Variants in PPP1R15B observed in about 807,000 individuals in gnomAD.
PPP1R15B encodes protein phosphatase 1 regulatory subunit 15B, also known as protein phosphatase 1, regulatory (inhibitor) subunit 15B.
PPP1R15B carries 31 observed loss-of-function variants against 53.9 expected under a neutral mutation model. The observed-to-expected ratio is 0.58, with a 90% CI of 0.43 to 0.78. The LOEUF is 0.78. PPP1R15B is among the 30% of genes least tolerant of loss of function. The probability of loss-of-function intolerance (pLI) is 0.00; values close to 1 mark genes in which losing one functional copy is unlikely to be tolerated. For missense variants in PPP1R15B, 928 were observed against 849.6 expected, an observed-to-expected ratio of 1.09 and a Z score of -1.15; for synonymous variants, 345 against 329.1, an observed-to-expected ratio of 1.05 and a Z score of -0.52.
rs781662271 is a variant in PPP1R15B at position 204,411,108 on chromosome 1, C to T, written c.304G>A (p.Val102Ile). 8 of 1,614,096 alleles carry T rather than the reference C, an allele frequency of 5.0e-6. No individual in the cohort carries two copies. In the South Asian group the frequency reaches 6.6e-5, roughly 13 times the overall value. ...FPTRWLDFAGVYSALRALKGR... is the reference protein window; with the variant it reads ...FPTRWLDFAGIYSALRALKGR... ...TTCAGGGCTCTCAGGGCGCTGTAGA[C>T]TCCAGCAAAATCTAGCCATCTGGTC... The change falls in exon 1 of 2, where the codon GTC (valine) becomes ATC (isoleucine). Residue 102 changes from valine to isoleucine, a missense_variant. Transcript: ENST00000367188.
At chr1:204,400,304 C>T (rs1267556973), downstream of PPP1R15B, among the ~76,000 whole-genome samples, 1 of 151,010 alleles carries the variant, frequency 6.6e-6, no homozygotes, top group Non-Finnish European at 1.5e-5. Context: ...TTTCTTTGAC[C>T]CTGAATATCC....
In PPP1R15B at chr1:204,403,843, T is replaced by G. The variant is rs958928779; in HGVS notation, c.*2249A>C. 3 of 985,750 alleles carry G rather than the reference T, an allele frequency of 3.0e-6. No homozygotes were observed. In the African/African-American group the frequency reaches 5.2e-5, roughly 17 times the overall value. 61.1% of individuals were successfully genotyped at this position (985,750 alleles called of 1,614,324 possible). Reference sequence around the variant, plus strand: ...TTTAAAATAGTCCTTTCTGTCCTTCTTATCACCTTCTGATCACTTCTTCCA... The same window carrying G: ...TTTAAAATAGTCCTTTCTGTCCTTCGTATCACCTTCTGATCACTTCTTCCA... On this transcript the variant is annotated 3_prime_UTR_variant, in exon 2 of 2. Transcript: ENST00000367188.
rs1251772377 is a variant in PPP1R15B at position 204,409,562 on chromosome 1, C to T, written c.1850G>A (p.Ser617Asn). ...CKVQLLGSQESECPDSVQRDV... is the reference protein window; with the variant it reads ...CKVQLLGSQENECPDSVQRDV... ...ACGCTGTACCGAGTCTGGACATTCACTTTCTTGGCTCCCCAACAGCTGCAC... is the reference window on the plus strand; with the variant it reads ...ACGCTGTACCGAGTCTGGACATTCATTTTCTTGGCTCCCCAACAGCTGCAC... Residue 617 changes from serine to asparagine, a missense_variant, in exon 1 of 2, where the codon AGT becomes AAT. Ser to Asn is a conservative substitution (Grantham distance 46). Coordinates refer to ENST00000367188, the MANE Select transcript of PPP1R15B (RefSeq NM_032833.5). 1 of 1,614,078 alleles carries T rather than the reference C, an allele frequency of 6.2e-7. No individual in the cohort carries two copies. The highest frequency in any genetic ancestry group is 1.3e-5 in the African/African-American group (1 of 74,914).
At chr1:204,399,586 C>T (rs1674143800), downstream of PPP1R15B, among the ~76,000 whole-genome samples, 1 of 150,680 alleles carries the variant, frequency 6.6e-6, no homozygotes, top group African/African-American at 2.4e-5. Flanking sequence ...TGTTATTCAA[C>T]AAATATTTAT....
At chr1:204,397,566 CA>C (rs959252047), downstream of PPP1R15B, among the ~76,000 whole-genome samples, 36 of 151,498 alleles carry the variant, frequency 2.4e-4, no homozygotes, top group African/African-American at 7.0e-4. Context: ...GTTCTTACCA[CA>C]AAAAAAATGC....
chr1:204,410,067 C>T lies in PPP1R15B; in HGVS notation c.1345G>A (p.Asp449Asn), dbSNP rs1256736169. The T allele has an allele frequency of 6.2e-7, 1 of 1,614,098 alleles. No homozygotes were observed. Among genetic ancestry groups the T allele is most frequent in the Non-Finnish European group, 8.5e-7 (1 of 1,180,054 alleles). Residue 449 changes from aspartate (D) to asparagine (N), a missense_variant, in exon 1 of 2, where the codon GAT (aspartate) becomes AAT (asparagine). Asp to Asn is a conservative substitution (Grantham distance 23). Coordinates refer to ENST00000367188, the MANE Select transcript of PPP1R15B (RefSeq NM_032833.5). ...TSSDPEGEDW[D>N]EEAEDDGFDS... Reference sequence around the variant, plus strand: ...AAACCATCATCCTCAGCTTCCTCATCCCAATCCTCACCTTCTGGATCAGAA... The same window carrying T: ...AAACCATCATCCTCAGCTTCCTCATTCCAATCCTCACCTTCTGGATCAGAA...
In PPP1R15B at chr1:204,411,716, G is replaced by A. The variant is rs1674384470; in HGVS notation, c.-305C>T. 1 of 464,990 alleles carries A rather than the reference G, an allele frequency of 2.2e-6. No individual in the cohort carries two copies. The highest frequency in any genetic ancestry group is 3.9e-6 in the Non-Finnish European group (1 of 259,280). 28.8% of individuals were successfully genotyped at this position (464,990 alleles called of 1,614,324 possible). Reference sequence around the variant, plus strand: ...GGATAGGAGTCCCCCCACGGCCTCGGCGATGGTTTTCCGACTGACAGAGGG... The same window carrying A: ...GGATAGGAGTCCCCCCACGGCCTCGACGATGGTTTTCCGACTGACAGAGGG... On this transcript the variant is annotated 5_prime_UTR_variant, in exon 1 of 2. Coordinates refer to ENST00000367188, the MANE Select transcript of PPP1R15B (RefSeq NM_032833.5).
chr1:204,411,086 A>G lies in PPP1R15B; in HGVS notation c.326T>C (p.Leu109Pro). Reference protein sequence around the residue: ...FAGVYSALRALKGREKPAAPT... With the variant: ...FAGVYSALRAPKGREKPAAPT... ...GGCGGCTGGTTTCTCCCGTCCCTTC[A>G]GGGCTCTCAGGGCGCTGTAGACTCC... The change falls in exon 1 of 2, where the codon CTG becomes CCG. Residue 109 changes from leucine (L) to proline (P), a missense_variant. Transcript: ENST00000367188. The G allele has an allele frequency of 6.2e-7, 1 of 1,614,126 alleles. No homozygotes were observed. The highest frequency in any genetic ancestry group is 8.5e-7 in the Non-Finnish European group (1 of 1,180,028).
downstream of PPP1R15B, among the ~76,000 whole-genome samples, chr1:204,396,057 A>G (rs1217950707): frequency 6.6e-6 from 1 of 152,170 alleles, no homozygotes; most frequent in Non-Finnish European, 1.5e-5. Context: ...AAAGGAATGG[A>G]CTACTGATAC....
rs190605670 is a variant in PPP1R15B at position 204,403,657 on chromosome 1, G to A, written c.*2435C>T. The A allele has an allele frequency of 5.9e-5, 58 of 984,190 alleles. No individual in the cohort carries two copies. The African/African-American group carries it at 9.6e-4, about 16-fold the overall frequency. 61.0% of individuals were successfully genotyped at this position (984,190 alleles called of 1,614,324 possible). A position where few individuals can be genotyped will look rare whatever the true frequency, so the allele number is the denominator to read the frequency against. On this transcript the variant is annotated 3_prime_UTR_variant, in exon 2 of 2. Transcript: ENST00000367188. Reference sequence around the variant, plus strand: ...CCTGTCTGTACAAAGCCTTTTACATGCTACATTGACACTTAAAGCACCATT... The same window carrying A: ...CCTGTCTGTACAAAGCCTTTTACATACTACATTGACACTTAAAGCACCATT...
rs754801130 is a variant in PPP1R15B, at chr1:204,410,798, G to A, written c.614C>T (p.Ser205Phe). 4.3e-6 allele frequency: 7 copies of A among 1,614,216 alleles called. No homozygotes were observed. Among genetic ancestry groups the A allele is most frequent in the Non-Finnish European group, 5.9e-6 (7 of 1,180,044 alleles). Reference sequence around the variant, plus strand: ...TATGCGTTGAATGTTTAGAGGCCCAGAGGGCGAAGAGCCAAGTTCCCGGTT... The same window carrying A: ...TATGCGTTGAATGTTTAGAGGCCCAAAGGGCGAAGAGCCAAGTTCCCGGTT... ...YSNRELGSSP[S>F]GPLNIQRIDN... is the part of the protein sequence containing the mutation. The change falls in exon 1 of 2, where the codon TCT (serine) becomes TTT (phenylalanine). Residue 205 changes from serine (S) to phenylalanine (F), a missense_variant. Transcript: ENST00000367188.
chr1:204,404,772 G>T lies in PPP1R15B; in HGVS notation c.*1320C>A. 1.0e-6 allele frequency: 1 copy of T among 985,772 alleles called. No individual in the cohort carries two copies. Among genetic ancestry groups the T allele is most frequent in the Non-Finnish European group, 1.2e-6 (1 of 829,918 alleles). The allele number at this position is 985,772 out of a possible 1,614,324, so 61.1% of individuals were successfully genotyped here. ...CCATTACCTGTGACAGGAAGCACACGGAATGAAAGCAGACCACGGAAGGGT... is the reference window on the plus strand; with the variant it reads ...CCATTACCTGTGACAGGAAGCACACTGAATGAAAGCAGACCACGGAAGGGT... On this transcript the variant is annotated 3_prime_UTR_variant, in exon 2 of 2. Transcript: ENST00000367188.
downstream of PPP1R15B, among the ~76,000 whole-genome samples, chr1:204,401,836 G>A (rs934774353): frequency 3.9e-5 from 6 of 152,116 alleles, no homozygotes; most frequent in African/African-American, 7.2e-5. Context: ...TGGGAGAATC[G>A]CTTGAGCCTG....
chr1:204,403,250 A>C, downstream of PPP1R15B: 1 of 248,806 alleles, frequency 4.0e-6, no homozygotes, highest in Non-Finnish European at 6.4e-6. Flanking sequence ...AGGGCCTCTC[A>C]TAATACTGCA....
At position 204,410,115 on chromosome 1, in the gene PPP1R15B, C is replaced by T. The variant is rs542547175; in HGVS notation, c.1297G>A (p.Ala433Thr). The T allele has an allele frequency of 6.2e-7, 1 of 1,614,108 alleles. No homozygotes were observed. Among genetic ancestry groups the T allele is most frequent in the Admixed American group, 1.7e-5 (1 of 60,024 alleles). ...GAACTTGTTTCCAGGTCACTGGATGCACCTCCCAAAATATAATCTATCAGT... is the reference window on the plus strand; with the variant it reads ...GAACTTGTTTCCAGGTCACTGGATGTACCTCCCAAAATATAATCTATCAGT... ...NKLIDYILGG[A>T]SSDLETSSDP... The change falls in exon 1 of 2, where the codon GCA (alanine) becomes ACA (threonine). Residue 433 changes from alanine to threonine, a missense_variant. Transcript: ENST00000367188.
rs767157832 is a variant in PPP1R15B at position 204,410,869 on chromosome 1, C to G, written c.543G>C (p.Trp181Cys). 10 of 1,614,086 alleles carry G rather than the reference C, an allele frequency of 6.2e-6. No homozygotes were observed. The highest frequency in any genetic ancestry group is 8.5e-6 in the Non-Finnish European group (10 of 1,180,034). ...AQAFLLEQQL[W>C]GVELLPSSLQ... The stretch of plus-strand genomic sequence containing the variant: ...GGCTACTGGGCAACAGCTCCACTCC[C>G]CACAGCTGCTGCTCTAAGAGAAAAG... The change falls in exon 1 of 2, where the codon TGG (tryptophan) becomes TGC (cysteine). Residue 181 changes from tryptophan (W) to cysteine (C), a missense_variant. Transcript: ENST00000367188.
In PPP1R15B at chr1:204,405,273, T is replaced by C. The variant is rs373233773; in HGVS notation, c.*819A>G. 3 of 978,396 alleles carry C rather than the reference T, an allele frequency of 3.1e-6. No individual in the cohort carries two copies. The highest frequency in any genetic ancestry group is 3.6e-6 in the Non-Finnish European group (3 of 823,188). The allele number at this position is 978,396 out of a possible 1,614,324, so 60.6% of individuals were successfully genotyped here. On this transcript the variant is annotated 3_prime_UTR_variant, in exon 2 of 2. Transcript: ENST00000367188. ...TGTAATTATTACTTTCCAGAGTGTT[T>C]TGCAATAACTTCAACCTGTTAAGAG... is the stretch of plus-strand genomic sequence containing the variant.
At position 204,404,806 on chromosome 1, in the gene PPP1R15B, C is replaced by T. The variant is rs921295082; in HGVS notation, c.*1286G>A. On this transcript the variant is annotated 3_prime_UTR_variant, in exon 2 of 2. Coordinates refer to ENST00000367188, the MANE Select transcript of PPP1R15B (RefSeq NM_032833.5). ...GCAGACCACGGAAGGGTTAACAACC[C>T]CTCAACCTAACTTATGTGTACCTTG... is the stretch of plus-strand genomic sequence containing the variant. 3 of 985,800 alleles carry T rather than the reference C, an allele frequency of 3.0e-6. No individual in the cohort carries two copies. Among genetic ancestry groups the T allele is most frequent in the African/African-American group, 3.5e-5 (2 of 57,348 alleles). The allele number at this position is 985,800 out of a possible 1,614,324, so 61.1% of individuals were successfully genotyped here.
At position 204,409,483 on chromosome 1, in the gene PPP1R15B, G is replaced by C; in HGVS notation, c.1920+9C>G. On this transcript the variant is annotated intron_variant, in intron 1 of 1. Transcript: ENST00000367188. ...ACATATCAGGCATGTTAAAAGACAA[G>C]AAACAAACCTTTTTTCTTTTGACAT... is the stretch of plus-strand genomic sequence containing the variant. 6.3e-7 allele frequency: 1 copy of C among 1,599,210 alleles called. No homozygotes were observed. Among genetic ancestry groups the C allele is most frequent in the Non-Finnish European group, 8.5e-7 (1 of 1,173,146 alleles).
Sources: allele counts gnomAD v4.1 joint callset (sites outside exome capture counted in the v4.1 genomes callset), GRCh38; gene constraint gnomAD v4.1.1; transcripts MANE v1.5; gene names NCBI Gene and HGNC (gene_info 2026-07-23, HGNC 2026-07-21).